Variants in MCTP1 observed in about 807,000 individuals in gnomAD.
MCTP1 encodes multiple C2 and transmembrane domain-containing protein 1.
A neutral mutation model predicts 120.6 loss-of-function variants in MCTP1; 69 were observed. That is an observed-to-expected ratio of 0.57 (90% CI 0.47 to 0.70). MCTP1 has a LOEUF of 0.70. Among genes scored for constraint, MCTP1 ranks in the 30% least tolerant of loss-of-function variants. The pLI is 0.00. For missense variants in MCTP1, 1,203 were observed against 1,248.8 expected, an observed-to-expected ratio of 0.96 and a Z score of 0.55; for synonymous variants, 529 against 493.1, an observed-to-expected ratio of 1.07 and a Z score of -0.96.
intron 2 of MCTP1, among the ~76,000 whole-genome samples, chr5:94,995,205 C>T (rs558878178): frequency 1.2e-4 from 18 of 152,208 alleles, no homozygotes; most frequent in African/African-American, 3.6e-4. Context: ...CTTTTACATC[C>T]GTGGTTCTCA....
At chr5:94,769,822 C>A (rs1328190693) in intron 19 of MCTP1, among the ~76,000 whole-genome samples, 1 of 152,170 alleles carries the variant, frequency 6.6e-6, no homozygotes, top group Non-Finnish European at 1.5e-5. Flanking sequence ...AAAGATAACT[C>A]AGATGCCACT....
chr5:94,795,713 G>A (rs1779861893), intron 18 of MCTP1, among the ~76,000 whole-genome samples: 1 of 152,186 alleles, frequency 6.6e-6, no homozygotes, highest in Non-Finnish European at 1.5e-5. Context: ...GGTATATTCA[G>A]ACCTAAGATT....
intron 19 of MCTP1, among the ~76,000 whole-genome samples, chr5:94,742,282 C>G (rs1450741574): frequency 1.3e-5 from 2 of 152,122 alleles, no homozygotes; most frequent in African/African-American, 4.8e-5. Flanking sequence ...CTCAAACTCT[C>G]GGGTATAAGT....
intron 1 of MCTP1, among the ~76,000 whole-genome samples, chr5:95,109,443 T>C (rs1757307410): frequency 6.6e-6 from 1 of 152,174 alleles, no homozygotes; most frequent in Non-Finnish European, 1.5e-5. Context: ...AAACGCTTGA[T>C]ATGCTGGCAA....
At chr5:94,904,361 A>G (rs1226077249) in intron 10 of MCTP1, among the ~76,000 whole-genome samples, 1 of 152,174 alleles carries the variant, frequency 6.6e-6, no homozygotes, top group Non-Finnish European at 1.5e-5. Context: ...TTGGTATAAT[A>G]TGAACCACCC....
rs529294135 is a variant in MCTP1 at position 94,989,555 on chromosome 5, T to C, written c.838+27812A>G. Reference sequence around the variant, plus strand: ...CATCTTTTGTTACAATATTTAGTTTTAGTCCCCAGTCTGACACAAAAGCTT... The same window carrying C: ...CATCTTTTGTTACAATATTTAGTTTCAGTCCCCAGTCTGACACAAAAGCTT... On this transcript the variant is annotated intron_variant, in intron 2 of 22. Transcript: ENST00000515393. 2.6e-5 allele frequency among the ~76,000 whole-genome samples: 4 copies of C among 152,338 alleles called. No individual in the cohort carries two copies. In the South Asian group the frequency reaches 8.3e-4, roughly 32 times the overall value.
At chr5:94,859,429 C>A (rs1581070386) in intron 17 of MCTP1, among the ~76,000 whole-genome samples, 4 of 151,740 alleles carry the variant, frequency 2.6e-5, no homozygotes. Flanking sequence ...TGTATATTTT[C>A]AAATAGGTAG....
chr5:94,709,621 C>CTA (rs1373828990), intron 21 of MCTP1: 1 of 152,034 alleles, frequency 6.6e-6, no homozygotes, highest in Non-Finnish European at 1.5e-5. Context: ...TCTGTTTTAA[C>CTA]TATCAGGAAG....
intron 12 of MCTP1, 24 bp from the exon 13 acceptor site, chr5:94,873,265 T>C (rs1309167989): frequency 2.9e-6 from 4 of 1,400,658 alleles, no homozygotes; most frequent in Non-Finnish European, 3.0e-6. Context: ...TTGGTAAATA[T>C]TTTTAGTGTA....
intron 1 of MCTP1, among the ~76,000 whole-genome samples, chr5:95,207,449 A>G (rs1448273597): frequency 2.0e-5 from 3 of 152,184 alleles, no homozygotes; most frequent in Non-Finnish European, 4.4e-5. Context: ...ACAATATTCA[A>G]CAGTTTCTGC....
intron 17 of MCTP1, chr5:94,826,638 T>C (rs1561702051): frequency 9.1e-6 from 7 of 768,494 alleles, no homozygotes; most frequent in African/African-American, 1.7e-5. Context: ...CTTCACTTTT[T>C]CTTGAGGGTT....
At chr5:95,048,650 A>G (rs1488665486) in intron 1 of MCTP1, among the ~76,000 whole-genome samples, 2 of 152,222 alleles carry the variant, frequency 1.3e-5, no homozygotes, top group African/African-American at 2.4e-5. Flanking sequence ...GCTGGTCTGT[A>G]GACTTGAAGC....
In MCTP1 at chr5:95,218,490, G is replaced by T. The variant is rs534860867; in HGVS notation, c.720+65366C>A. On this transcript the variant is annotated intron_variant, in intron 1 of 22. Coordinates refer to ENST00000515393, the MANE Select transcript of MCTP1 (RefSeq NM_024717.7). ...TGGTACATTAAACACTCTAAATCAG[G>T]TAGAGACAAAGTGTTTCCCCTTTTA... 1.3e-4 allele frequency among the ~76,000 whole-genome samples: 20 copies of T among 152,278 alleles called. No individual in the cohort carries two copies. The East Asian group carries it at 3.7e-3, about 28-fold the overall frequency.
intron 1 of MCTP1, among the ~76,000 whole-genome samples, chr5:95,278,351 T>TAG: frequency 6.6e-6 from 1 of 152,198 alleles, no homozygotes; most frequent in South Asian, 2.1e-4. Flanking sequence ...AGTGAACAAA[T>TAG]GACTTGAGAA....
chr5:95,028,273 T>C (rs1185475558), intron 1 of MCTP1, among the ~76,000 whole-genome samples: 1 of 152,140 alleles, frequency 6.6e-6, no homozygotes, highest in Non-Finnish European at 1.5e-5. Context: ...ATGGTTATAA[T>C]GGTAAGTTAG....
chr5:94,899,537 C>G (rs577040040), intron 10 of MCTP1, among the ~76,000 whole-genome samples: 1 of 152,178 alleles, frequency 6.6e-6, no homozygotes, highest in Non-Finnish European at 1.5e-5. Flanking sequence ...TTCTGCACTT[C>G]GATAGGAAGC....
At chr5:95,140,693 T>TAAAAAAAA (rs35248317) in intron 1 of MCTP1, among the ~76,000 whole-genome samples, 3 of 27,630 alleles carry the variant, frequency 1.1e-4, no homozygotes, top group Admixed American at 6.8e-4. Flanking sequence ...CTGTCCCTAC[T>TAAAAAAAA]AAAAAAAAAA....
chr5:94,966,794 C>T (rs1581616804), intron 2 of MCTP1, among the ~76,000 whole-genome samples: 1 of 149,010 alleles, frequency 6.7e-6, no homozygotes. Context: ...GACTCTGTCT[C>T]GAAAAAAAAA....
chr5:94,964,840 A>G (rs1825207473), intron 2 of MCTP1, among the ~76,000 whole-genome samples: 1 of 152,206 alleles, frequency 6.6e-6, no homozygotes, highest in Admixed American at 6.5e-5. Context: ...TTTACATTAA[A>G]GGTAATTATT....
Sources: allele counts gnomAD v4.1 joint callset (sites outside exome capture counted in the v4.1 genomes callset), GRCh38; gene constraint gnomAD v4.1.1; transcripts MANE v1.5; gene names NCBI Gene and HGNC (gene_info 2026-07-23, HGNC 2026-07-21).